The following RABGAP1L variants were observed in gnomAD, a reference collection of about 807,000 sequenced individuals.
RABGAP1L encodes the protein rab GTPase-activating protein 1-like.
A neutral mutation model predicts 137.7 loss-of-function variants in RABGAP1L; 63 were observed. The observed-to-expected ratio is 0.46, with a 90% confidence interval of 0.37 to 0.56. RABGAP1L has a LOEUF of 0.56. RABGAP1L is among the 20% of genes least tolerant of loss of function. The probability of loss-of-function intolerance (pLI) is 0.00; values close to 1 mark genes in which losing one functional copy is unlikely to be tolerated. For missense variants in RABGAP1L, 1,095 were observed against 1,244.0 expected, an observed-to-expected ratio of 0.88 and a Z score of 1.80; for synonymous variants, 431 against 433.7, an observed-to-expected ratio of 0.99 and a Z score of 0.08.
chr1:174,877,640 AT>A, intron 19 of RABGAP1L: 1 of 1,593,190 alleles, frequency 6.3e-7, no homozygotes, highest in Non-Finnish European at 8.6e-7. Flanking sequence ...CTGGTTCTGT[AT>A]TTTCTTTTCT....
At chr1:174,946,976 GTGTGTA>G (rs1251477677) in intron 19 of RABGAP1L, among the ~76,000 whole-genome samples, 4 of 113,492 alleles carry the variant, frequency 3.5e-5, no homozygotes, top group African/African-American at 1.3e-4. Context: ...GTGTGTGTGT[GTGTGTA>G]TATATATGTA....
chr1:174,674,016 A>G (rs1677381995), intron 14 of RABGAP1L, among the ~76,000 whole-genome samples: 1 of 152,086 alleles, frequency 6.6e-6, no homozygotes, highest in Non-Finnish European at 1.5e-5. Flanking sequence ...TTATACCTCC[A>G]TAAACATGAT....
chr1:174,462,249 A>G (rs1656771644), intron 13 of RABGAP1L, among the ~76,000 whole-genome samples: 1 of 152,172 alleles, frequency 6.6e-6, no homozygotes, highest in African/African-American at 2.4e-5. Flanking sequence ...CTATTCTGCT[A>G]TTTATTCAGG....
intron 1 of RABGAP1L, among the ~76,000 whole-genome samples, chr1:174,192,660 C>T (rs911348366): frequency 1.3e-5 from 2 of 152,118 alleles, no homozygotes; most frequent in African/African-American, 4.8e-5. Flanking sequence ...ATAAGCCAAA[C>T]ATGGATCAAA....
intron 19 of RABGAP1L, among the ~76,000 whole-genome samples, chr1:174,856,173 G>T (rs1472396812): frequency 6.6e-6 from 1 of 152,030 alleles, no homozygotes; most frequent in East Asian, 1.9e-4. Flanking sequence ...AAGGCGAGTG[G>T]ATCACAAGGT....
chr1:174,987,469 A>G (rs1467293505), intron 24 of RABGAP1L, among the ~76,000 whole-genome samples: 1 of 152,134 alleles, frequency 6.6e-6, no homozygotes. Flanking sequence ...CTGGCCCAAG[A>G]GGAAGAAATT....
intron 7 of RABGAP1L, among the ~76,000 whole-genome samples, chr1:174,255,179 A>T (rs187032433): frequency 3.9e-5 from 6 of 152,094 alleles, no homozygotes; most frequent in Non-Finnish European, 7.4e-5. Flanking sequence ...CCTTTTTTTC[A>T]TGAGATACAA....
chr1:174,341,966 A>G (rs1200465862), intron 11 of RABGAP1L, among the ~76,000 whole-genome samples: 1 of 152,170 alleles, frequency 6.6e-6, no homozygotes, highest in Non-Finnish European at 1.5e-5. Flanking sequence ...GGGTCAGTGG[A>G]GCTGGCTAAA....
At chr1:174,832,416 G>A (rs1692206216) in intron 19 of RABGAP1L, among the ~76,000 whole-genome samples, 1 of 148,254 alleles carries the variant, frequency 6.7e-6, no homozygotes, top group Non-Finnish European at 1.5e-5. Flanking sequence ...TGCCTTTAAT[G>A]CCTGGAGATA....
rs112322027 is a variant in RABGAP1L at position 174,603,727 on chromosome 1, G to T, written c.1711-33648G>T. On this transcript the variant is annotated intron_variant, in intron 13 of 25. Transcript: ENST00000681986. Reference sequence around the variant, plus strand: ...CAAAGCCCACAGCAACTACCGCCTGGTTACAACTGATGTTTATTCAAGGCC... The same window carrying T: ...CAAAGCCCACAGCAACTACCGCCTGTTTACAACTGATGTTTATTCAAGGCC... Among the ~76,000 whole-genome samples the T allele has an allele frequency of 5.3e-3, 804 of 151,988 alleles. 9 individuals are homozygous for T. Among genetic ancestry groups the T allele is most frequent in the African/African-American group, 0.018 (760 of 41,458 alleles).
intron 11 of RABGAP1L, among the ~76,000 whole-genome samples, chr1:174,353,475 A>C (rs982012054): frequency 6.6e-6 from 1 of 152,176 alleles, no homozygotes; most frequent in African/African-American, 2.4e-5. Context: ...GGACTTCCCC[A>C]GGGATTACAG....
In RABGAP1L at chr1:174,358,604, C is replaced by T. The variant is rs138392355; in HGVS notation, c.1466-12375C>T. Among the ~76,000 whole-genome samples the T allele has an allele frequency of 5.3e-5, 8 of 152,306 alleles. No homozygotes were observed. The East Asian group carries it at 1.5e-3, about 29-fold the overall frequency. On this transcript the variant is annotated intron_variant, in intron 11 of 25. Coordinates refer to ENST00000681986, the MANE Select transcript of RABGAP1L (RefSeq NM_001366446.1). The stretch of plus-strand genomic sequence containing the variant: ...GTGACTGCTTCTTCACCCAGGATGG[C>T]CTCCTGGTTCTGTTTTACTTTGAGC...
intron 10 of RABGAP1L, among the ~76,000 whole-genome samples, chr1:174,282,800 A>G (rs1488032538): frequency 6.6e-6 from 1 of 152,200 alleles, no homozygotes; most frequent in African/African-American, 2.4e-5. Context: ...GCTTGAGGTC[A>G]TCTTCCCACA....
At chr1:174,571,583 A>T (rs1048059141) in intron 13 of RABGAP1L, among the ~76,000 whole-genome samples, 14 of 151,988 alleles carry the variant, frequency 9.2e-5, no homozygotes, top group African/African-American at 1.7e-4. Flanking sequence ...AAATAAAAAA[A>T]TTTTTAAAAT....
intron 13 of RABGAP1L, among the ~76,000 whole-genome samples, chr1:174,531,409 C>G (rs1175170298): frequency 6.6e-6 from 1 of 152,050 alleles, no homozygotes; most frequent in Non-Finnish European, 1.5e-5. Context: ...ATGCACAACA[C>G]TTCAGCAATA....
intron 11 of RABGAP1L, among the ~76,000 whole-genome samples, chr1:174,307,857 G>C (rs1010367631): frequency 6.6e-6 from 1 of 151,970 alleles, no homozygotes; most frequent in African/African-American, 2.4e-5. Flanking sequence ...TAGATTATAT[G>C]GTAGTTCTAT....
intron 1 of RABGAP1L, among the ~76,000 whole-genome samples, chr1:174,180,043 A>G (rs1313679081): frequency 6.6e-6 from 1 of 152,276 alleles, no homozygotes; most frequent in African/African-American, 2.4e-5. Flanking sequence ...CATATTCTTA[A>G]GACTCTTCTT....
intron 1 of RABGAP1L, among the ~76,000 whole-genome samples, chr1:174,166,023 T>C (rs1255273298): frequency 6.6e-6 from 1 of 152,244 alleles, no homozygotes; most frequent in African/African-American, 2.4e-5. Flanking sequence ...AGTTTATCTT[T>C]CATTTTTGAC....
chr1:174,474,504 T>C (rs1413551288), intron 13 of RABGAP1L, among the ~76,000 whole-genome samples: 1 of 152,230 alleles, frequency 6.6e-6, no homozygotes, highest in African/African-American at 2.4e-5. Flanking sequence ...AAGCAGTGTA[T>C]AACTGAAATA....
Sources: allele counts gnomAD v4.1 joint callset (sites outside exome capture counted in the v4.1 genomes callset), GRCh38; gene constraint gnomAD v4.1.1; transcripts MANE v1.5; gene names NCBI Gene and HGNC (gene_info 2026-07-23, HGNC 2026-07-21).